HERC1: variants seen among roughly 807,000 people sequenced by gnomAD.
The protein encoded by HERC1 is HECT and RLD domain containing E3 ubiquitin protein ligase family member 1, also known as probable E3 ubiquitin-protein ligase HERC1.
HERC1 carries 160 observed loss-of-function variants against 554.3 expected under a neutral mutation model. That is an observed-to-expected ratio of 0.29 (90% confidence interval 0.25 to 0.33). The LOEUF is 0.33. HERC1 is among the 10% of genes least tolerant of loss of function. The probability of loss-of-function intolerance (pLI) is 1.00; values close to 1 mark genes in which losing one functional copy is unlikely to be tolerated. For missense variants in HERC1, 4,919 were observed against 5,918.5 expected, an observed-to-expected ratio of 0.83 and a Z score of 5.54; for synonymous variants, 2,175 against 2,131.7, an observed-to-expected ratio of 1.02 and a Z score of -0.56.
At chr15:63,682,392 A>G (rs1416187393) in intron 34 of HERC1, among the ~76,000 whole-genome samples, 1 of 152,178 alleles carries the variant, frequency 6.6e-6, no homozygotes, top group African/African-American at 2.4e-5. Context: ...TATTCCCACA[A>G]GTGGGCTTTA....
In HERC1 at chr15:63,734,764, G is replaced by A; in HGVS notation, c.2606C>T (p.Pro869Leu). Residue 869 changes from proline (P) to leucine (L), a missense_variant, in exon 13 of 78, where the codon CCT becomes CTT. Around this residue, in one of 11 missense-constraint regions of HERC1, gnomAD observed 744 missense variants for 1,090.0 expected, o/e 0.68. Transcript: ENST00000443617. The surrounding 1 kb of genome is among the most constrained non-coding windows in gnomAD (Gnocchi z 4.6). ...ERMELLHSLL[P>L]QGPDRWESLS... ...GCTTTCCCATCTATCAGGTCCTTGA[G>A]GTAAAAGAGAATGAAGTAATTCCAT... The A allele has an allele frequency of 6.3e-7, 1 of 1,594,014 alleles. No homozygotes were observed. The highest frequency in any genetic ancestry group is 8.5e-7 in the Non-Finnish European group (1 of 1,172,730).
At chr15:63,699,057 C>CAGCA in intron 25 of HERC1, 61 bp from the exon 26 acceptor site, 2 of 1,432,614 alleles carry the variant, frequency 1.4e-6, no homozygotes, top group Non-Finnish European at 1.9e-6. Flanking sequence ...CATTCTGAAA[C>CAGCA]TAGATAAGGC....
chr15:63,713,180 T>G (rs984530987), intron 23 of HERC1, among the ~76,000 whole-genome samples, 173 bp downstream of exon 23: 3 of 152,272 alleles, frequency 2.0e-5, no homozygotes, highest in Non-Finnish European at 2.9e-5. Flanking sequence ...TAGCCCATGC[T>G]GAATCAGTAT....
chr15:63,676,945 A>T lies in HERC1; in HGVS notation c.7070+900T>A, dbSNP rs576470903. ...CAAATGAGTCTACTTATCAAGGAAG[A>T]TACTTGACAGGATGAGTATCCCTTA... On this transcript the variant is annotated intron_variant, in intron 37 of 77. Transcript: ENST00000443617. Among the ~76,000 whole-genome samples the T allele has an allele frequency of 5.3e-5, 8 of 152,314 alleles. 1 individual carries two copies. In the East Asian group the frequency reaches 1.5e-3, roughly 29 times the overall value.
chr15:63,662,403 T>C (rs1219369343), intron 44 of HERC1, among the ~76,000 whole-genome samples: 2 of 152,192 alleles, frequency 1.3e-5, no homozygotes, highest in Admixed American at 1.3e-4. Context: ...GAAAAATCAT[T>C]ATGATTCACT....
In HERC1 at chr15:63,639,985, T is replaced by TG. The variant is rs149115234; in HGVS notation, c.11901+166dup. 0.16 allele frequency among the ~76,000 whole-genome samples: 24,657 copies of TG among 152,216 alleles called. 2,323 individuals are homozygous for TG. The highest frequency in any genetic ancestry group is 0.21 in the Middle Eastern group (63 of 294). On this transcript the variant is annotated intron_variant, in intron 61 of 77. Transcript: ENST00000443617. ...ATCAATTCCTGTCACTATGGAGGCC[T>TG]GCCATCAGATTGAAAGTGACTATCT... is the stretch of plus-strand genomic sequence containing the variant.
rs2067783497 is a variant in HERC1, at chr15:63,615,655, C to T, written c.14094+113G>A. On this transcript the variant is annotated intron_variant, in intron 76 of 77. Transcript: ENST00000443617. ...AAATAAATAAATTCATACATACATA[C>T]AGAGGAATTAACACAGTAAATACAT... is the stretch of plus-strand genomic sequence containing the variant. The T allele has an allele frequency of 2.9e-6, 2 of 689,446 alleles. 1 individual carries two copies. The highest frequency in any genetic ancestry group is 6.4e-5 in the East Asian group (2 of 31,290). 42.7% of individuals were successfully genotyped at this position (689,446 alleles called of 1,614,324 possible).
In HERC1 at chr15:63,674,935, T is replaced by C; in HGVS notation, c.7253A>G (p.His2418Arg). The C allele has an allele frequency of 1.9e-6, 3 of 1,614,044 alleles. No individual in the cohort carries two copies. In the South Asian group the frequency reaches 3.3e-5, roughly 18 times the overall value. ...KQSTKRHEKKHRHESEEKGDV... is the reference protein window; with the variant it reads ...KQSTKRHEKKRRHESEEKGDV... The stretch of plus-strand genomic sequence containing the variant: ...CCCTTTCTCCTCGGATTCATGTCGG[T>C]GTTTCTTTTCATGTCGTTTGGTGCT... Residue 2418 changes from histidine to arginine, a missense_variant, in exon 38 of 78, where the codon CAC becomes CGC. Physicochemically the swap from His to Arg is conservative, Grantham distance 29. Coordinates refer to ENST00000443617, the MANE Select transcript of HERC1 (RefSeq NM_003922.4).
rs551184198 is a variant in HERC1 at position 63,727,105 on chromosome 15, G to A, written c.3346+542C>T. 2.0e-5 allele frequency among the ~76,000 whole-genome samples: 3 copies of A among 152,028 alleles called. No homozygotes were observed. Among genetic ancestry groups the A allele is most frequent in the South Asian group, 2.1e-4 (1 of 4,820 alleles). ...AGCCTGGCCAACATGGTGAAACCCC[G>A]TCTCTACTAAAAATACAAAAATTAG... On this transcript the variant is annotated intron_variant, in intron 17 of 77. Transcript: ENST00000443617. This position sits in a 1 kb window ranked among gnomAD's most constrained non-coding sequence, Gnocchi z 4.3.
chr15:63,791,880 G>A (rs556976257), intron 1 of HERC1, among the ~76,000 whole-genome samples: 6 of 152,226 alleles, frequency 3.9e-5, no homozygotes, highest in African/African-American at 1.2e-4. Context: ...TCTGTTGGCA[G>A]TAACATCTCC....
chr15:63,722,610 C>T (rs928907193), intron 19 of HERC1, among the ~76,000 whole-genome samples: 7 of 152,132 alleles, frequency 4.6e-5, no homozygotes, highest in African/African-American at 1.2e-4. Context: ...CTTAGTAACC[C>T]TCTTGGTTTT....
At chr15:63,683,040 G>C (rs979579818) in intron 34 of HERC1, among the ~76,000 whole-genome samples, 2 of 151,588 alleles carry the variant, frequency 1.3e-5, no homozygotes, top group African/African-American at 4.8e-5. Flanking sequence ...GGAGGCTGAG[G>C]CGGGAGAATC....
chr15:63,825,559 G>A (rs963346087), intron 1 of HERC1, among the ~76,000 whole-genome samples: 1 of 152,036 alleles, frequency 6.6e-6, no homozygotes, highest in Non-Finnish European at 1.5e-5. Flanking sequence ...AGAGACTGGT[G>A]AACAATATGT....
intron 1 of HERC1, among the ~76,000 whole-genome samples, chr15:63,792,488 T>C (rs1318271377): frequency 6.6e-6 from 1 of 152,228 alleles, no homozygotes; most frequent in Non-Finnish European, 1.5e-5. Flanking sequence ...AATGAACGTG[T>C]GCTTCCAGGA....
At position 63,618,867 on chromosome 15, in the gene HERC1, G is replaced by T. The variant is rs185736189; in HGVS notation, c.13689-2185C>A. 4.7e-4 allele frequency among the ~76,000 whole-genome samples: 72 copies of T among 152,334 alleles called. No homozygotes were observed. The East Asian group carries it at 0.012, about 25-fold the overall frequency. Reference sequence around the variant, plus strand: ...TTTTGTATCCTGATACTTTGCTGAAGTTGCCTATCAGCTTAAGGAGATTTT... The same window carrying T: ...TTTTGTATCCTGATACTTTGCTGAATTTGCCTATCAGCTTAAGGAGATTTT... On this transcript the variant is annotated intron_variant, in intron 74 of 77. Transcript: ENST00000443617.
chr15:63,712,771 C>A lies in HERC1; in HGVS notation c.4584+4G>T. The A allele has an allele frequency of 6.2e-7, 1 of 1,612,946 alleles. No individual in the cohort carries two copies. The highest frequency in any genetic ancestry group is 1.1e-5 in the South Asian group (1 of 90,884). On this transcript the variant is annotated splice_donor_region_variant and intron_variant, in intron 24 of 77. Transcript: ENST00000443617. ...CTTTCTTTACTGAATCTGGGTATAC[C>A]TACCAGTGCGTAACCCTCTTCATCT...
Position 63,800,195 on chromosome 15 carries a change from T to A in HERC1, c.-26-24546A>T, listed in dbSNP as rs147723012. ...GGAAATATTCTCTCCACTAATGCAT[T>A]TGTTAATATTTTTCTGTAATAAAAA... On this transcript the variant is annotated intron_variant, in intron 1 of 77. Coordinates refer to ENST00000443617, the MANE Select transcript of HERC1 (RefSeq NM_003922.4). Among the ~76,000 whole-genome samples the A allele has an allele frequency of 5.9e-5, 9 of 152,172 alleles. No individual in the cohort carries two copies. The East Asian group carries it at 1.7e-3, about 29-fold the overall frequency.
In HERC1 at chr15:63,758,557, T is replaced by C. The variant is rs1443679790; in HGVS notation, c.1027-188A>G. Among the ~76,000 whole-genome samples the C allele has an allele frequency of 1.3e-5, 2 of 152,070 alleles. No individual in the cohort carries two copies. The highest frequency in any genetic ancestry group is 2.9e-5 in the Non-Finnish European group (2 of 68,012). Reference sequence around the variant, plus strand: ...AAACCACTAAAAGACGCTAATGAAGTGGCAAAAGTGGGAAACGGGAGACAC... The same window carrying C: ...AAACCACTAAAAGACGCTAATGAAGCGGCAAAAGTGGGAAACGGGAGACAC... On this transcript the variant is annotated intron_variant, in intron 3 of 77. Transcript: ENST00000443617. This position sits in a 1 kb window ranked among gnomAD's most constrained non-coding sequence, Gnocchi z 4.0.
At chr15:63,744,080 G>C (rs2074937200) in intron 12 of HERC1, among the ~76,000 whole-genome samples, 1 of 141,806 alleles carries the variant, frequency 7.1e-6, no homozygotes, top group East Asian at 2.5e-4. Flanking sequence ...AGAGACTCTT[G>C]TTCTCTTCCC....
Sources: allele counts gnomAD v4.1 joint callset (sites outside exome capture counted in the v4.1 genomes callset), GRCh38; gene constraint gnomAD v4.1.1; regional missense constraint gnomAD v4.1.1; non-coding constraint Gnocchi (gnomAD v3.1); transcripts MANE v1.5; gene names NCBI Gene and HGNC (gene_info 2026-07-23, HGNC 2026-07-21).